LRP1B: variants seen among roughly 807,000 people sequenced by gnomAD.
LRP1B encodes the protein low-density lipoprotein receptor-related protein 1B.
LRP1B carries 217 observed loss-of-function variants against 556.6 expected under a neutral mutation model. The observed-to-expected ratio is 0.39, with a 90% CI of 0.35 to 0.44. The LOEUF is 0.44. LRP1B is among the 20% of genes least tolerant of loss of function. The probability of loss-of-function intolerance (pLI) is 1.00; values close to 1 mark genes in which losing one functional copy is unlikely to be tolerated. For synonymous variants in LRP1B, 2,047 were observed against 1,865.8 expected, an observed-to-expected ratio of 1.10 and a Z score of -2.50; for missense variants, 5,053 against 5,620.8, an observed-to-expected ratio of 0.90 and a Z score of 3.23.
At chr2:140,635,922 G>A (rs1684056498) in intron 41 of LRP1B, among the ~76,000 whole-genome samples, 1 of 151,966 alleles carries the variant, frequency 6.6e-6, no homozygotes, top group South Asian at 2.1e-4. Flanking sequence ...TTTCTTTCTG[G>A]ATCTATTTTA....
chr2:140,852,258 C>T (rs1692482181), intron 27 of LRP1B, among the ~76,000 whole-genome samples: 2 of 152,096 alleles, frequency 1.3e-5, no homozygotes, highest in Non-Finnish European at 2.9e-5. Context: ...ACCCGGGAGG[C>T]GGAGGTTGCA....
chr2:141,624,937 T>C (rs1302888677), intron 2 of LRP1B, among the ~76,000 whole-genome samples: 3 of 151,956 alleles, frequency 2.0e-5, no homozygotes, highest in Non-Finnish European at 4.4e-5. Flanking sequence ...GCCCGGCTAA[T>C]TTTTTGTATT....
chr2:140,799,767 C>T (rs774535989), intron 32 of LRP1B, among the ~76,000 whole-genome samples: 11 of 152,236 alleles, frequency 7.2e-5, no homozygotes, highest in East Asian at 3.9e-4. Context: ...AAGTTTGCTG[C>T]GGACGAAGAG....
At chr2:140,323,394 A>ATGAT (rs772704850) in intron 81 of LRP1B, among the ~76,000 whole-genome samples, 49 of 152,074 alleles carry the variant, frequency 3.2e-4, no homozygotes, top group Middle Eastern at 3.4e-3. Flanking sequence ...ATATTTAAGA[A>ATGAT]TGATAGTTAC....
At chr2:141,194,183 T>C (rs1193841493) in intron 6 of LRP1B, among the ~76,000 whole-genome samples, 11 of 152,142 alleles carry the variant, frequency 7.2e-5, no homozygotes, top group Non-Finnish European at 1.5e-4. Flanking sequence ...ATCCTGCTGG[T>C]TCTCTTGTTA....
rs57220779 is a variant in LRP1B, at chr2:140,856,738, TACACAC to T, written c.4580-4961_4580-4956del. Among the ~76,000 whole-genome samples, 509 of 148,460 alleles carry T rather than the reference TACACAC, an allele frequency of 3.4e-3. 2 individuals carry two copies. Among genetic ancestry groups the T allele is most frequent in the African/African-American group, 0.012 (471 of 39,816 alleles). The stretch of plus-strand genomic sequence containing the variant: ...ATACGCTGGCGGGAACTAAGAGAGA[TACACAC>T]ACACACACACACACACACACACACA... On this transcript the variant is annotated intron_variant, in intron 27 of 90. Coordinates refer to ENST00000389484, the MANE Select transcript of LRP1B (RefSeq NM_018557.3).
In LRP1B at chr2:140,541,806, T is replaced by C. The variant is rs779547567; in HGVS notation, c.7360A>G (p.Ile2454Val). The C allele has an allele frequency of 6.2e-7, 1 of 1,612,160 alleles. No homozygotes were observed. The highest frequency in any genetic ancestry group is 8.5e-7 in the Non-Finnish European group (1 of 1,178,762). The change falls in exon 44 of 91, where the codon ATA becomes GTA. Residue 2454 changes from isoleucine to valine, a missense_variant. Coordinates refer to ENST00000389484, the MANE Select transcript of LRP1B (RefSeq NM_018557.3). ...SDIPHQPMGI[I>V]AVANDTNSCE... The stretch of plus-strand genomic sequence containing the variant: ...CTATTGGTGTCATTGGCAACAGCTA[T>C]GATTCCCATTGGCTGATGTGGAATA...
chr2:141,028,883 G>A (rs1698289117), intron 11 of LRP1B, among the ~76,000 whole-genome samples: 1 of 152,070 alleles, frequency 6.6e-6, no homozygotes, highest in Non-Finnish European at 1.5e-5. Context: ...CTTGCAGCAA[G>A]GCAACAACCA....
chr2:140,531,968 A>G (rs1479319831), intron 47 of LRP1B, among the ~76,000 whole-genome samples: 2 of 152,050 alleles, frequency 1.3e-5, no homozygotes, highest in Non-Finnish European at 2.9e-5. Flanking sequence ...AGTAATTTTG[A>G]TGCACTCTAC....
intron 23 of LRP1B, among the ~76,000 whole-genome samples, chr2:140,895,404 G>C (rs1011864333): frequency 2.0e-5 from 3 of 152,170 alleles, no homozygotes; most frequent in African/African-American, 4.8e-5. Context: ...ACTTGGGAAG[G>C]GGGTGGCTCG....
At chr2:141,424,424 A>G (rs1466158824) in intron 3 of LRP1B, among the ~76,000 whole-genome samples, 1 of 152,100 alleles carries the variant, frequency 6.6e-6, no homozygotes, top group African/African-American at 2.4e-5. Flanking sequence ...ATCTTCTTAA[A>G]TAACTACTTC....
intron 1 of LRP1B, among the ~76,000 whole-genome samples, chr2:141,982,836 T>G (rs1457722505): frequency 6.6e-6 from 1 of 152,194 alleles, no homozygotes; most frequent in Admixed American, 6.5e-5. Context: ...GAATAAAGTT[T>G]ATATTTAGAA....
chr2:141,302,682 C>A (rs1276029484), intron 3 of LRP1B, among the ~76,000 whole-genome samples: 1 of 152,016 alleles, frequency 6.6e-6, no homozygotes, highest in East Asian at 1.9e-4. Context: ...CTTCCTTTTT[C>A]TCATGTTGAT....
intron 66 of LRP1B, among the ~76,000 whole-genome samples, chr2:140,440,274 A>G (rs543899238): frequency 6.6e-6 from 1 of 152,298 alleles, no homozygotes; most frequent in East Asian, 1.9e-4. Flanking sequence ...AGATCCTGCA[A>G]GAGGGAATAG....
intron 3 of LRP1B, among the ~76,000 whole-genome samples, chr2:141,342,751 T>C (rs182571934): frequency 6.1e-4 from 93 of 152,242 alleles, no homozygotes; most frequent in African/African-American, 2.2e-3. Flanking sequence ...ATTGGAATGG[T>C]GTACCTGAAA....
chr2:140,726,108 A>T (rs2105485807), intron 35 of LRP1B, among the ~76,000 whole-genome samples: 1 of 152,268 alleles, frequency 6.6e-6, no homozygotes, highest in East Asian at 1.9e-4. Context: ...ACCTTTATTT[A>T]ACAGGGCCAA....
intron 31 of LRP1B, among the ~76,000 whole-genome samples, chr2:140,835,938 T>C (rs1291380591): frequency 2.0e-5 from 3 of 152,226 alleles, no homozygotes; most frequent in Non-Finnish European, 2.9e-5. Flanking sequence ...CTGCCTATTG[T>C]TAATTTACTT....
chr2:141,013,743 A>C lies in LRP1B; in HGVS notation c.2193T>G (p.Ile731Met), dbSNP rs143896356. Residue 731 changes from isoleucine to methionine, a missense_variant and splice_region_variant, in exon 14 of 91, where the codon ATT becomes ATG. By Grantham distance (10) the Ile-to-Met change is conservative. Coordinates refer to ENST00000389484, the MANE Select transcript of LRP1B (RefSeq NM_018557.3). Reference sequence around the variant, plus strand: ...GGTTCAACTCTCTCCCACTGTAAACAATCTGTAAAATATAAACACATTGTG... The same window carrying C: ...GGTTCAACTCTCTCCCACTGTAAACCATCTGTAAAATATAAACACATTGTG... ...KVFLNGTHRK[I>M]VYSGRELNHP... The C allele has an allele frequency of 2.3e-4, 361 of 1,551,290 alleles. No homozygotes were observed. Among genetic ancestry groups the C allele is most frequent in the Non-Finnish European group, 3.1e-4 (352 of 1,151,438 alleles).
chr2:141,339,820 G>T (rs1687989171), intron 3 of LRP1B, among the ~76,000 whole-genome samples: 1 of 151,922 alleles, frequency 6.6e-6, no homozygotes, highest in South Asian at 2.1e-4. Context: ...CAGCAGTGCA[G>T]GTCTGTTACA....
Sources: allele counts gnomAD v4.1 joint callset (sites outside exome capture counted in the v4.1 genomes callset), GRCh38; gene constraint gnomAD v4.1.1; transcripts MANE v1.5; gene names NCBI Gene and HGNC (gene_info 2026-07-23, HGNC 2026-07-21).